KDM4C: variants seen among roughly 807,000 people sequenced by gnomAD.
KDM4C encodes the protein lysine-specific demethylase 4C.
In KDM4C, 81 loss-of-function variants were observed where a neutral mutation model predicts 129.3. That is an observed-to-expected ratio of 0.63 (90% confidence interval 0.52 to 0.75). The LOEUF (loss-of-function observed/expected upper bound fraction) is 0.75. Among genes scored for constraint, KDM4C ranks in the 30% least tolerant of loss-of-function variants. KDM4C has a pLI of 0.00. For synonymous variants in KDM4C, 573 were observed against 456.1 expected (o/e 1.26, Z -3.26); for missense variants, 1,457 against 1,304.0 (o/e 1.12, Z -1.81).
chr9:6,868,061 A>T (rs575585858), intron 5 of KDM4C, among the ~76,000 whole-genome samples: 1 of 152,194 alleles, frequency 6.6e-6, no homozygotes, highest in Non-Finnish European at 1.5e-5. Context: ...AGCAGAAAAC[A>T]TAAGGCAGAG....
intron 1 of KDM4C, among the ~76,000 whole-genome samples, chr9:6,780,340 G>T (rs1459096076): frequency 8.8e-6 from 1 of 113,432 alleles, no homozygotes; most frequent in Admixed American, 1.0e-4. Flanking sequence ...AATCTCAAAC[G>T]AGGTGTGGGA....
intron 6 of KDM4C, 103 bp from the exon 7 acceptor site, chr9:6,887,857 A>T: frequency 1.4e-6 from 1 of 734,748 alleles, no homozygotes; most frequent in Non-Finnish European, 2.4e-6. Context: ...CCATACTTGC[A>T]TAAGTCAAAC....
In KDM4C at chr9:6,758,184, C is replaced by T. The variant is rs1309054233; in HGVS notation, c.-37C>T. 4 of 985,856 alleles carry T rather than the reference C, an allele frequency of 4.1e-6. No homozygotes were observed. The highest frequency in any genetic ancestry group is 9.4e-5 in the South Asian group (2 of 21,308). The allele number at this position is 985,856 out of a possible 1,614,324, so 61.1% of individuals were successfully genotyped here. ...TTCCTCCTCCACCGAGTCGTGCTCT[C>T]GCCCCAACCCGCGCGCCAGGTAACC... is the stretch of plus-strand genomic sequence containing the variant. On this transcript the variant is annotated 5_prime_UTR_variant, in exon 1 of 22. Transcript: ENST00000381309. This position sits in a 1 kb window ranked among gnomAD's most constrained non-coding sequence, Gnocchi z 4.6.
intron 8 of KDM4C, 49 bp from the exon 9 acceptor site, chr9:6,980,876 T>C (rs1319097993): frequency 1.6e-5 from 24 of 1,526,266 alleles, no homozygotes; most frequent in Non-Finnish European, 2.2e-5. Flanking sequence ...TCTGTGTTAC[T>C]GTATAGTTAG....
intron 1 of KDM4C, among the ~76,000 whole-genome samples, chr9:6,741,294 C>G (rs1817683531): frequency 6.6e-6 from 1 of 151,922 alleles, no homozygotes; most frequent in African/African-American, 2.4e-5. Flanking sequence ...ACTCAGGAGG[C>G]TGAGGCAGCA....
intron 8 of KDM4C, among the ~76,000 whole-genome samples, chr9:6,967,133 C>G (rs141330082): frequency 9.9e-4 from 151 of 151,996 alleles, no homozygotes; most frequent in African/African-American, 3.3e-3. Flanking sequence ...AAAAATTATA[C>G]AGACTCCTGG....
chr9:6,817,044 G>T (rs1832230519), intron 4 of KDM4C, among the ~76,000 whole-genome samples: 1 of 152,010 alleles, frequency 6.6e-6, no homozygotes, highest in Non-Finnish European at 1.5e-5. Context: ...TGGATGGAAT[G>T]ATGGCTATGT....
At chr9:6,780,301 C>T (rs900241780) in intron 1 of KDM4C, among the ~76,000 whole-genome samples, 3 of 128,676 alleles carry the variant, frequency 2.3e-5, no homozygotes, top group African/African-American at 8.2e-5. Context: ...CTTTGGAAAG[C>T]ACCATTAAAG....
Position 6,792,971 on chromosome 9 carries a change from G to A in KDM4C, c.-17-1G>A, listed in dbSNP as rs1364282931. 1 of 1,613,940 alleles carries A rather than the reference G, an allele frequency of 6.2e-7. No individual in the cohort carries two copies. Among genetic ancestry groups the A allele is most frequent in the Non-Finnish European group, 8.5e-7 (1 of 1,179,986 alleles). On this transcript the variant is annotated splice_acceptor_variant, in intron 1 of 21. Coordinates refer to ENST00000381309, the MANE Select transcript of KDM4C (RefSeq NM_015061.6). LOFTEE classifies it low-confidence loss of function (5UTR_SPLICE). ...TGTTGACCCTACTGTCTTCTCTCCAGACACTGCCCTAACCATCATGGAGGT... is the reference window on the plus strand; with the variant it reads ...TGTTGACCCTACTGTCTTCTCTCCAAACACTGCCCTAACCATCATGGAGGT...
chr9:7,131,685 A>G lies in KDM4C; in HGVS notation c.2781+3449A>G, dbSNP rs559766272. ...ATCCCACTTCCACTTTTGATAATTC[A>G]TCTACATCAGAACTGTTGTCTGGGA... On this transcript the variant is annotated intron_variant, in intron 19 of 21. Transcript: ENST00000381309. 2.6e-5 allele frequency among the ~76,000 whole-genome samples: 4 copies of G among 152,320 alleles called. No homozygotes were observed. The East Asian group carries it at 5.8e-4, about 22-fold the overall frequency.
chr9:7,149,738 C>A (rs1452443207), intron 19 of KDM4C, among the ~76,000 whole-genome samples: 2 of 152,158 alleles, frequency 1.3e-5, no homozygotes, highest in Non-Finnish European at 1.5e-5. Flanking sequence ...TGATTATGGT[C>A]GATGGTGGCA....
chr9:7,033,364 A>G (rs1827104632), intron 15 of KDM4C, among the ~76,000 whole-genome samples: 1 of 152,184 alleles, frequency 6.6e-6, no homozygotes, highest in African/African-American at 2.4e-5. Context: ...AAAACACTGG[A>G]CAGGACTCTC....
At chr9:6,913,378 A>C (rs548925849) in intron 8 of KDM4C, among the ~76,000 whole-genome samples, 1 of 152,366 alleles carries the variant, frequency 6.6e-6, no homozygotes, top group Non-Finnish European at 1.5e-5. Context: ...GTTGTGATGT[A>C]GTGCAACATT....
chr9:7,132,612 G>A (rs893352809), intron 19 of KDM4C, among the ~76,000 whole-genome samples: 2 of 152,160 alleles, frequency 1.3e-5, no homozygotes, highest in African/African-American at 4.8e-5. Flanking sequence ...CTATGAAATT[G>A]GGACACACTT....
At chr9:7,058,704 A>G (rs1192300712) in intron 17 of KDM4C, among the ~76,000 whole-genome samples, 1 of 152,182 alleles carries the variant, frequency 6.6e-6, no homozygotes, top group African/African-American at 2.4e-5. Context: ...TTAAGTCTGG[A>G]TTCTTGAACA....
chr9:7,103,860 A>T lies in KDM4C; in HGVS notation c.2600A>T (p.Asn867Ile), dbSNP rs535667780. The T allele has an allele frequency of 6.2e-7, 1 of 1,613,138 alleles. No homozygotes were observed. Among genetic ancestry groups the T allele is most frequent in the Admixed American group, 1.7e-5 (1 of 59,908 alleles). Residue 867 changes from asparagine (N) to isoleucine (I), a missense_variant, in exon 18 of 22, where the codon AAC becomes ATC. By Grantham distance (149) the Asn-to-Ile change is moderately radical. Transcript: ENST00000381309. Reference protein sequence around the residue: ...VNITCFRHKVNPNVKSKACEK... With the variant: ...VNITCFRHKVIPNVKSKACEK... ...ATTACATGCTTTCGACATAAGGTCA[A>T]CCCCAACGTGGTAAGATGTGCCCTC...
intron 12 of KDM4C, among the ~76,000 whole-genome samples, chr9:6,991,621 A>G (rs759957169): frequency 6.6e-6 from 1 of 152,200 alleles, no homozygotes; most frequent in East Asian, 1.9e-4. Flanking sequence ...GAATACTGTT[A>G]AGTGAGTAAC....
chr9:6,778,428 C>G (rs1183539216), intron 1 of KDM4C, among the ~76,000 whole-genome samples: 1 of 151,942 alleles, frequency 6.6e-6, no homozygotes, highest in Non-Finnish European at 1.5e-5. Context: ...CTTATTCACT[C>G]AAGTGACAGC....
At chr9:6,834,746 C>T (rs755704385) in intron 4 of KDM4C, 2 of 1,042,502 alleles carry the variant, frequency 1.9e-6, no homozygotes, top group African/African-American at 1.6e-5. Flanking sequence ...GCATGTGGTT[C>T]CCGAGGAGCA....
Sources: gnomAD v4.1 joint callset for allele counts (sites outside exome capture counted in the v4.1 genomes callset) on GRCh38, gnomAD v4.1.1 for gene constraint, Gnocchi (gnomAD v3.1) non-coding constraint, MANE v1.5 for transcripts, NCBI Gene and HGNC (gene_info 2026-07-23, HGNC 2026-07-21) for gene names.